The following PSMD14 variants were observed in gnomAD, a reference collection of about 807,000 sequenced individuals.
PSMD14 encodes the protein ubiquitin C-terminal hydrolase PSMD14.
Under a neutral mutation model 41.2 loss-of-function variants are expected in PSMD14, and 7 were observed. That is an observed-to-expected ratio of 0.17 (90% CI 0.10 to 0.32). PSMD14 has a LOEUF of 0.32. PSMD14 is among the 10% of genes least tolerant of loss of function. The pLI is 1.00. For missense variants in PSMD14, 139 were observed against 375.6 expected, an observed-to-expected ratio of 0.37 and a Z score of 5.21; for synonymous variants, 114 against 122.3, an observed-to-expected ratio of 0.93 and a Z score of 0.45.
intron 10 of PSMD14, among the ~76,000 whole-genome samples, chr2:161,405,069 C>T (rs1193457094): frequency 6.6e-6 from 1 of 152,132 alleles, no homozygotes; most frequent in Non-Finnish European, 1.5e-5. Context: ...ATTGTCTACC[C>T]TACTTTCTAC....
intron 3 of PSMD14, among the ~76,000 whole-genome samples, chr2:161,355,392 G>A (rs893121218): frequency 2.6e-5 from 4 of 151,916 alleles, no homozygotes; most frequent in Admixed American, 2.0e-4. Flanking sequence ...TGCAGTATAT[G>A]TATATTTTTA....
chr2:161,327,898 G>T (rs1269970575), intron 3 of PSMD14, among the ~76,000 whole-genome samples: 2 of 150,330 alleles, frequency 1.3e-5, no homozygotes, highest in East Asian at 4.0e-4. Context: ...ACAAACCTGT[G>T]GAATTAAGTG....
intron 3 of PSMD14, among the ~76,000 whole-genome samples, chr2:161,339,773 G>C (rs1389949791): frequency 6.6e-6 from 1 of 152,276 alleles, no homozygotes; most frequent in Non-Finnish European, 1.5e-5. Flanking sequence ...TTGCCATGTG[G>C]CCTGTTCTCC....
chr2:161,368,620 C>T (rs972535563), intron 5 of PSMD14, among the ~76,000 whole-genome samples: 8 of 152,014 alleles, frequency 5.3e-5, no homozygotes, highest in African/African-American at 1.9e-4. Flanking sequence ...AAAAAAAGCA[C>T]ATATATCCTT....
intron 3 of PSMD14, chr2:161,341,078 G>C: frequency 1.3e-6 from 2 of 1,539,102 alleles, no homozygotes; most frequent in Non-Finnish European, 1.7e-6. Context: ...CAGGCTCCCC[G>C]AGCTCCCCCA....
chr2:161,393,323 T>C (rs1683740590), intron 9 of PSMD14, among the ~76,000 whole-genome samples: 1 of 152,144 alleles, frequency 6.6e-6, no homozygotes, highest in South Asian at 2.1e-4. Context: ...TAGAACAGTA[T>C]CAGTGGAGAA....
chr2:161,310,150 C>CA (rs758105497), intron 1 of PSMD14, among the ~76,000 whole-genome samples: 7 of 151,068 alleles, frequency 4.6e-5, no homozygotes, highest in East Asian at 1.9e-4. Context: ...GACTTTGTCT[C>CA]AAAAAAAAGA....
chr2:161,367,963 C>T, intron 5 of PSMD14, 60 bp downstream of exon 5: 1 of 1,527,574 alleles, frequency 6.5e-7, no homozygotes, highest in South Asian at 1.2e-5. Context: ...TTTTCTTTTC[C>T]TATGCAAACT....
At chr2:161,319,175 C>G (rs1689176007) in intron 3 of PSMD14, among the ~76,000 whole-genome samples, 1 of 151,984 alleles carries the variant, frequency 6.6e-6, no homozygotes, top group African/African-American at 2.4e-5. Context: ...AAATAGCTTA[C>G]TTCCTGAATT....
At chr2:161,405,056 A>C (rs548371027) in intron 10 of PSMD14, among the ~76,000 whole-genome samples, 1 of 152,284 alleles carries the variant, frequency 6.6e-6, no homozygotes, top group African/African-American at 2.4e-5. Context: ...AAGAGTAAGC[A>C]ATATTGTCTA....
At chr2:161,351,357 C>G (rs755654299) in intron 3 of PSMD14, among the ~76,000 whole-genome samples, 17 of 152,144 alleles carry the variant, frequency 1.1e-4, no homozygotes, top group Non-Finnish European at 1.6e-4. Flanking sequence ...ATGAGTTGTT[C>G]TAGAATTTCT....
rs1399654107 is a variant in PSMD14 at position 161,316,817 on chromosome 2, T to C, written c.-5+248T>C. On this transcript the variant is annotated intron_variant, in intron 2 of 11. Transcript: ENST00000409682. ...AATATGTTTCCTCTTTGCTGTGATA[T>C]CTAATTTTGCTACAGAAACAAATTT... 2.6e-5 allele frequency among the ~76,000 whole-genome samples: 4 copies of C among 152,208 alleles called. No individual in the cohort carries two copies. The East Asian group carries it at 5.8e-4, about 22-fold the overall frequency.
chr2:161,324,002 G>T (rs1352455645), intron 3 of PSMD14, among the ~76,000 whole-genome samples: 1 of 152,200 alleles, frequency 6.6e-6, no homozygotes, highest in Non-Finnish European at 1.5e-5. Flanking sequence ...GAGCCCAAGA[G>T]ATGAGAATAG....
chr2:161,391,536 T>G (rs1254729919), intron 9 of PSMD14, among the ~76,000 whole-genome samples: 1 of 152,146 alleles, frequency 6.6e-6, no homozygotes, highest in Non-Finnish European at 1.5e-5. Context: ...TATATTGCTC[T>G]GTAAATTTGA....
At chr2:161,389,903 T>G (rs1455916403) in intron 8 of PSMD14, among the ~76,000 whole-genome samples, 3 of 116,194 alleles carry the variant, frequency 2.6e-5, no homozygotes, top group South Asian at 3.0e-4. Context: ...TTTTTTTTTT[T>G]TTTTTTTTTA....
chr2:161,319,812 C>T (rs1203399877), intron 3 of PSMD14, among the ~76,000 whole-genome samples: 1 of 152,148 alleles, frequency 6.6e-6, no homozygotes, highest in East Asian at 1.9e-4. Context: ...GAAGAACTTT[C>T]ATAAGAACTG....
intron 2 of PSMD14, among the ~76,000 whole-genome samples, chr2:161,316,791 A>G (rs747073963): frequency 4.6e-5 from 7 of 152,188 alleles, no homozygotes; most frequent in Admixed American, 2.6e-4. Flanking sequence ...TTAATTTGTT[A>G]AATATGTTTC....
At chr2:161,392,508 G>T (rs905090437) in intron 9 of PSMD14, among the ~76,000 whole-genome samples, 1 of 152,016 alleles carries the variant, frequency 6.6e-6, no homozygotes, top group Non-Finnish European at 1.5e-5. Context: ...CTATATGCTG[G>T]GGGGGAGGAT....
intron 3 of PSMD14, among the ~76,000 whole-genome samples, chr2:161,366,965 G>A (rs549433435): frequency 2.2e-4 from 33 of 152,206 alleles, no homozygotes; most frequent in African/African-American, 7.7e-4. Context: ...ATAGGGGGAG[G>A]GGAACAGCTT....
Sources: allele counts gnomAD v4.1 joint callset (sites outside exome capture counted in the v4.1 genomes callset), GRCh38; gene constraint gnomAD v4.1.1; transcripts MANE v1.5; gene names NCBI Gene and HGNC (gene_info 2026-07-23, HGNC 2026-07-21).